The following DEPDC1B variants were observed in gnomAD, a reference collection of about 807,000 sequenced individuals.
DEPDC1B encodes the protein DEP domain-containing protein 1B.
A neutral mutation model predicts 66.5 loss-of-function variants in DEPDC1B; 51 were observed. That is an observed-to-expected ratio of 0.77 (90% CI 0.61 to 0.97). The LOEUF (loss-of-function observed/expected upper bound fraction) is 0.97, where lower values mean the gene tolerates loss of function less well. Among genes scored for constraint, DEPDC1B ranks in the 50% least tolerant of loss-of-function variants. DEPDC1B has a pLI of 0.00. For missense variants in DEPDC1B, 552 were observed against 637.1 expected (o/e 0.87, Z 1.44); for synonymous variants, 226 against 223.6 (o/e 1.01, Z -0.10).
chr5:60,648,105 T>C (rs574014008), intron 2 of DEPDC1B: 1 of 152,342 alleles, frequency 6.6e-6, no homozygotes, highest in South Asian at 2.1e-4. Flanking sequence ...GACATAATTT[T>C]TTGGGGCTAA....
At chr5:60,660,931 G>C (rs1753699744) in intron 2 of DEPDC1B, among the ~76,000 whole-genome samples, 1 of 152,184 alleles carries the variant, frequency 6.6e-6, no homozygotes, top group Non-Finnish European at 1.5e-5. Context: ...GTAATTAATA[G>C]GGAAACTCTT....
At chr5:60,616,361 T>C (rs1309322691) in intron 7 of DEPDC1B, among the ~76,000 whole-genome samples, 1 of 152,008 alleles carries the variant, frequency 6.6e-6, no homozygotes, top group Non-Finnish European at 1.5e-5. Context: ...AGGAGGAAGT[T>C]CGAACCCATG....
At chr5:60,648,492 T>C (rs942465877) in intron 2 of DEPDC1B, among the ~76,000 whole-genome samples, 5 of 152,244 alleles carry the variant, frequency 3.3e-5, no homozygotes, top group Non-Finnish European at 4.4e-5. Flanking sequence ...ACAAACTTGC[T>C]TGTTTTTCTC....
chr5:60,691,624 A>C (rs1754547332), intron 1 of DEPDC1B, among the ~76,000 whole-genome samples: 1 of 152,210 alleles, frequency 6.6e-6, no homozygotes, highest in Non-Finnish European at 1.5e-5. Context: ...AAAATCAATA[A>C]GAAAAAGACA....
intron 2 of DEPDC1B, 83 bp downstream of exon 2, chr5:60,686,879 A>G: frequency 6.6e-7 from 1 of 1,519,372 alleles, no homozygotes; most frequent in East Asian, 2.3e-5. Context: ...AAATTCTTAC[A>G]CATCAGGAAG....
At position 60,647,412 on chromosome 5, in the gene DEPDC1B, T is replaced by C. The variant is rs1415314330; in HGVS notation, c.436A>G (p.Arg146Gly). 6.2e-7 allele frequency: 1 copy of C among 1,607,380 alleles called. No homozygotes were observed. Among genetic ancestry groups the C allele is most frequent in the Non-Finnish European group, 8.5e-7 (1 of 1,177,816 alleles). ...ATGGCACTTACCATCACAACTGGCC[T>C]CACTGGGATGTTCTCTTGTGAAGTG... ...PGTSQENIPV[R>G]PVVMNSEMWY... Residue 146 changes from arginine to glycine, a missense_variant, in exon 3 of 11, where the codon AGG becomes GGG. Physicochemically the swap from Arg to Gly is moderately radical, Grantham distance 125. Coordinates refer to ENST00000265036, the MANE Select transcript of DEPDC1B (RefSeq NM_018369.3).
At chr5:60,659,382 T>C (rs1187467157) in intron 2 of DEPDC1B, among the ~76,000 whole-genome samples, 2 of 152,174 alleles carry the variant, frequency 1.3e-5, no homozygotes, top group Non-Finnish European at 2.9e-5. Flanking sequence ...TGGAGTAAAA[T>C]ACTGGGCACC....
chr5:60,609,897 G>A (rs1230307280), intron 7 of DEPDC1B, among the ~76,000 whole-genome samples: 1 of 152,028 alleles, frequency 6.6e-6, no homozygotes, highest in African/African-American at 2.4e-5. Flanking sequence ...GTATAAAATT[G>A]GTATGCCCAA....
intron 7 of DEPDC1B, among the ~76,000 whole-genome samples, chr5:60,622,970 A>G (rs556650007): frequency 3.9e-5 from 6 of 152,272 alleles, no homozygotes; most frequent in Non-Finnish European, 8.8e-5. Context: ...AGTATATTTC[A>G]AAGAGCAGAA....
At chr5:60,617,549 A>C (rs1156569373) in intron 7 of DEPDC1B, among the ~76,000 whole-genome samples, 1 of 152,200 alleles carries the variant, frequency 6.6e-6, no homozygotes, top group African/African-American at 2.4e-5. Flanking sequence ...GAAGGCCATT[A>C]CATAATGATA....
At chr5:60,619,023 A>G in intron 7 of DEPDC1B, among the ~76,000 whole-genome samples, 1 of 152,210 alleles carries the variant, frequency 6.6e-6, no homozygotes, top group East Asian at 1.9e-4. Context: ...TATAAACAGA[A>G]CCAAAGACAA....
At chr5:60,619,056 C>T (rs371196527) in intron 7 of DEPDC1B, among the ~76,000 whole-genome samples, 2 of 152,130 alleles carry the variant, frequency 1.3e-5, no homozygotes, top group African/African-American at 4.8e-5. Context: ...TATCTCAATA[C>T]ATGCAGAAAA....
At chr5:60,676,924 C>T (rs1754175237) in intron 2 of DEPDC1B, among the ~76,000 whole-genome samples, 1 of 152,090 alleles carries the variant, frequency 6.6e-6, no homozygotes, top group African/African-American at 2.4e-5. Flanking sequence ...GTGAGTTTGC[C>T]CCATCTAAAG....
At position 60,628,537 on chromosome 5, in the gene DEPDC1B, T is replaced by C. The variant is rs1372378520; in HGVS notation, c.898+10213A>G. ...GTTTCATTTTCACTAAGAACAGGTATAAAAAATAAAAGGTTTATACTTAGC... is the reference window on the plus strand; with the variant it reads ...GTTTCATTTTCACTAAGAACAGGTACAAAAAATAAAAGGTTTATACTTAGC... On this transcript the variant is annotated intron_variant, in intron 7 of 10. Coordinates refer to ENST00000265036, the MANE Select transcript of DEPDC1B (RefSeq NM_018369.3). 3 of 152,160 alleles carry C rather than the reference T, an allele frequency of 2.0e-5. No individual in the cohort carries two copies. In the South Asian group the frequency reaches 6.2e-4, roughly 32 times the overall value. 9.4% of individuals were successfully genotyped at this position (152,160 alleles called of 1,614,324 possible).
chr5:60,671,003 T>C (rs1754022710), intron 2 of DEPDC1B, among the ~76,000 whole-genome samples: 1 of 152,190 alleles, frequency 6.6e-6, no homozygotes, highest in Non-Finnish European at 1.5e-5. Context: ...TACATGGCAC[T>C]TCCTGATACT....
chr5:60,642,553 T>C (rs967178349), intron 6 of DEPDC1B, among the ~76,000 whole-genome samples: 1 of 152,350 alleles, frequency 6.6e-6, no homozygotes, highest in African/African-American at 2.4e-5. Flanking sequence ...CCATCCTTCA[T>C]CCTGTGATGA....
At chr5:60,613,889 G>C (rs1461822652) in intron 7 of DEPDC1B, among the ~76,000 whole-genome samples, 1 of 150,780 alleles carries the variant, frequency 6.6e-6, no homozygotes, top group East Asian at 2.0e-4. Flanking sequence ...GAGGTTTTAA[G>C]CATTCCTGTA....
chr5:60,698,791 G>A (rs1404772717), intron 1 of DEPDC1B, among the ~76,000 whole-genome samples: 1 of 151,724 alleles, frequency 6.6e-6, no homozygotes, highest in Non-Finnish European at 1.5e-5. Flanking sequence ...TCAGCCTCCT[G>A]AGTAGCTGAG....
intron 7 of DEPDC1B, chr5:60,628,459 G>A (rs1199196392): frequency 6.6e-6 from 1 of 152,120 alleles, no homozygotes; most frequent in Non-Finnish European, 1.5e-5. Flanking sequence ...AAGAAACTCA[G>A]AAGAGTTAAT....
Sources: allele counts gnomAD v4.1 joint callset (sites outside exome capture counted in the v4.1 genomes callset), GRCh38; gene constraint gnomAD v4.1.1; transcripts MANE v1.5; gene names NCBI Gene and HGNC (gene_info 2026-07-23, HGNC 2026-07-21).